UBE4B: variants seen among roughly 807,000 people sequenced by gnomAD.
UBE4B encodes ubiquitination factor E4B, also known as ubiquitin conjugation factor E4 B.
A neutral mutation model predicts 148.1 loss-of-function variants in UBE4B; 27 were observed. That is an observed-to-expected ratio of 0.18 (90% CI 0.13 to 0.25). The LOEUF is 0.25. Ranked by LOEUF, UBE4B falls within the 10% of genes least tolerant of loss-of-function variation. UBE4B has a pLI of 1.00. For missense variants in UBE4B, 1,170 were observed against 1,662.4 expected (o/e 0.70, Z 5.15); for synonymous variants, 596 against 619.3 (o/e 0.96, Z 0.56).
chr1:10,160,167 C>T (rs1364150865), intron 22 of UBE4B, among the ~76,000 whole-genome samples: 1 of 152,170 alleles, frequency 6.6e-6, no homozygotes, highest in Non-Finnish European at 1.5e-5. Context: ...AGCAAGTTCT[C>T]ATTATAACAC....
chr1:10,112,298 C>T (rs977377073), intron 7 of UBE4B, among the ~76,000 whole-genome samples: 3 of 152,102 alleles, frequency 2.0e-5, no homozygotes, highest in African/African-American at 4.8e-5. Context: ...GACATATTTC[C>T]AAGATTTTAG....
chr1:10,090,072 G>T (rs1487433394), intron 2 of UBE4B, among the ~76,000 whole-genome samples: 8 of 151,520 alleles, frequency 5.3e-5, no homozygotes, highest in Non-Finnish European at 8.8e-5. Context: ...TCAGCAGTCT[G>T]GGGTAAAGGA....
Position 10,179,573 on chromosome 1 carries a change from G to T in UBE4B, c.3847+11G>T, listed in dbSNP as rs781344087. The T allele has an allele frequency of 1.9e-6, 3 of 1,611,992 alleles. No homozygotes were observed. The highest frequency in any genetic ancestry group is 2.5e-6 in the Non-Finnish European group (3 of 1,180,004). On this transcript the variant is annotated intron_variant, in intron 27 of 27. Transcript: ENST00000343090. ...GCATGCTGGAACCAGGTAGAGGAGG[G>T]TGCAGTTTGAGGTGCAGCGCTGGCG... is the stretch of plus-strand genomic sequence containing the variant.
At chr1:10,077,121 A>G (rs1644597491) in intron 2 of UBE4B, among the ~76,000 whole-genome samples, 1 of 152,206 alleles carries the variant, frequency 6.6e-6, no homozygotes, top group African/African-American at 2.4e-5. Flanking sequence ...AAAACTTTTG[A>G]AGGCTTACAG....
At chr1:10,108,132 TG>T (rs1645147731) in intron 7 of UBE4B, among the ~76,000 whole-genome samples, 2 of 151,876 alleles carry the variant, frequency 1.3e-5, no homozygotes. Flanking sequence ...GGAGAGGGGC[TG>T]GGATTTGGGG....
chr1:10,040,424 T>C (rs1163123440), intron 1 of UBE4B, among the ~76,000 whole-genome samples: 1 of 151,972 alleles, frequency 6.6e-6, no homozygotes, highest in East Asian at 1.9e-4. Flanking sequence ...CTAATTTTTG[T>C]ATATTTTGTA....
At chr1:10,158,216 A>T in intron 21 of UBE4B, 140 bp from the exon 22 acceptor site, 1 of 1,014,494 alleles carries the variant, frequency 9.9e-7, no homozygotes, top group Non-Finnish European at 1.4e-6. Context: ...GTCGTGCCCT[A>T]CATGCAAAAG....
At chr1:10,153,554 C>T (rs1646015616) in intron 21 of UBE4B, among the ~76,000 whole-genome samples, 1 of 146,932 alleles carries the variant, frequency 6.8e-6, no homozygotes, top group African/African-American at 2.5e-5. Context: ...GGCACAGTAG[C>T]TTACACTTGT....
intron 17 of UBE4B, 109 bp downstream of exon 17, chr1:10,137,314 G>A (rs1005943547): frequency 1.4e-5 from 19 of 1,386,722 alleles, no homozygotes; most frequent in African/African-American, 1.1e-4. Context: ...AGGTATGTAC[G>A]TTATATAGTG....
intron 23 of UBE4B, among the ~76,000 whole-genome samples, chr1:10,163,577 A>AT (rs748206604): frequency 1.3e-5 from 2 of 151,846 alleles, no homozygotes; most frequent in Non-Finnish European, 2.9e-5. Context: ...CTGAGGCAGG[A>AT]TAATTGCTTG....
intron 11 of UBE4B, chr1:10,128,334 G>A (rs1481152001): frequency 6.6e-6 from 1 of 152,206 alleles, no homozygotes. Context: ...ATTGATGCTT[G>A]CATAATAACG....
chr1:10,144,918 G>C, intron 17 of UBE4B, 22 bp from the exon 18 acceptor site: 3 of 1,577,646 alleles, frequency 1.9e-6, no homozygotes, highest in Non-Finnish European at 1.7e-6. Flanking sequence ...TCTTTCATTT[G>C]ACTGTTAGTC....
chr1:10,115,501 A>G (rs1312252590), intron 7 of UBE4B, among the ~76,000 whole-genome samples: 2 of 151,564 alleles, frequency 1.3e-5, no homozygotes, highest in African/African-American at 4.9e-5. Context: ...CAACTCCTAT[A>G]CCTCAAGTGA....
intron 1 of UBE4B, among the ~76,000 whole-genome samples, chr1:10,052,065 T>C (rs1303544572): frequency 6.6e-6 from 1 of 151,730 alleles, no homozygotes; most frequent in Admixed American, 6.6e-5. Flanking sequence ...TGTCTAATAG[T>C]GTCATTTTTT....
At chr1:10,075,899 C>T (rs377068617) in intron 2 of UBE4B, among the ~76,000 whole-genome samples, 35 of 152,008 alleles carry the variant, frequency 2.3e-4, no homozygotes, top group Middle Eastern at 3.4e-3. Context: ...AAAAAATTAG[C>T]GGGGCGTGAT....
chr1:10,138,454 A>C (rs1481171957), intron 17 of UBE4B, among the ~76,000 whole-genome samples: 1 of 151,918 alleles, frequency 6.6e-6, no homozygotes, highest in East Asian at 1.9e-4. Context: ...GGCTGGTCTC[A>C]AATTCCTGAC....
At chr1:10,150,121 T>C (rs922585911) in intron 20 of UBE4B, among the ~76,000 whole-genome samples, 1 of 152,176 alleles carries the variant, frequency 6.6e-6, no homozygotes, top group African/African-American at 2.4e-5. Flanking sequence ...TTAATATTGC[T>C]GTCATAAAAG....
rs969408050 is a variant in UBE4B, at chr1:10,137,323, T to C, written c.2363+118T>C. On this transcript the variant is annotated intron_variant, in intron 17 of 27. Coordinates refer to ENST00000343090, the MANE Select transcript of UBE4B (RefSeq NM_001105562.3). ...TGGGGGAGGTATGTACGTTATATAG[T>C]GTTCTGTCTGCCTCCACCGCCACAT... The C allele has an allele frequency of 6.1e-6, 8 of 1,301,802 alleles. No homozygotes were observed. The African/African-American group carries it at 1.0e-4, about 17-fold the overall frequency. 80.6% of individuals were successfully genotyped at this position (1,301,802 alleles called of 1,614,324 possible).
chr1:10,135,748 A>C (rs1645671394), intron 16 of UBE4B, among the ~76,000 whole-genome samples: 1 of 151,526 alleles, frequency 6.6e-6, no homozygotes, highest in Non-Finnish European at 1.5e-5. Context: ...AAAAAAAAAA[A>C]AAACAGATAC....
Sources: allele counts gnomAD v4.1 joint callset (sites outside exome capture counted in the v4.1 genomes callset), GRCh38; gene constraint gnomAD v4.1.1; transcripts MANE v1.5; gene names NCBI Gene and HGNC (gene_info 2026-07-23, HGNC 2026-07-21).